Variants in C2 observed in about 807,000 individuals in gnomAD.
The protein encoded by C2 is C3/C5 convertase.
Under a neutral mutation model 85.2 loss-of-function variants are expected in C2, and 64 were observed. That is an observed-to-expected ratio of 0.75 (90% confidence interval 0.61 to 0.92). The LOEUF (loss-of-function observed/expected upper bound fraction) is 0.92. Ranked by LOEUF, C2 falls within the 40% of genes least tolerant of loss-of-function variation. C2 has a pLI of 0.00. For synonymous variants in C2, 311 were observed against 370.8 expected (o/e 0.84, Z 1.85); for missense variants, 820 against 971.6 (o/e 0.84, Z 2.07).
chr6:31,899,069 GA>G (rs750497811), upstream of C2, among the ~76,000 whole-genome samples: 15 of 146,140 alleles, frequency 1.0e-4, no homozygotes, highest in South Asian at 4.3e-4. Context: ...GAGTGTAAAG[GA>G]AAAAAAAAAG....
chr6:31,942,607 G>T (rs2151769231), intron 9 of C2, among the ~76,000 whole-genome samples: 1 of 152,162 alleles, frequency 6.6e-6, no homozygotes, highest in Non-Finnish European at 1.5e-5. Context: ...GAAGACCAGG[G>T]AAGGCCTCAC....
intron 1 of C2, chr6:31,901,801 C>G (rs1309790659): frequency 1.2e-5 from 2 of 161,758 alleles, no homozygotes; most frequent in African/African-American, 4.8e-5. Flanking sequence ...GGCACGCCCC[C>G]CCAGCCCCAC....
At chr6:31,912,460 C>T (rs1350534569) in intron 1 of C2, among the ~76,000 whole-genome samples, 1 of 152,194 alleles carries the variant, frequency 6.6e-6, no homozygotes, top group Non-Finnish European at 1.5e-5. Flanking sequence ...CACTCCTTTC[C>T]TGTCTTGACC....
chr6:31,903,393 G>A lies in C2; in HGVS notation c.73+2254G>A, dbSNP rs559876148. ...GCCTGTAATCCCAGCACTGTGGGAG[G>A]CCGAGGCAGGTGGATCACCTGAGGT... On this transcript the variant is annotated intron_variant, in intron 1 of 3. Coordinates refer to the C2 transcript ENST00000452202. Among the ~76,000 whole-genome samples, 699 of 151,806 alleles carry A rather than the reference G, an allele frequency of 4.6e-3. 2 individuals are homozygous for A. The highest frequency in any genetic ancestry group is 0.013 in the East Asian group (69 of 5,148).
At chr6:31,917,745 A>C (rs1768649657), upstream of C2, among the ~76,000 whole-genome samples, 1 of 152,052 alleles carries the variant, frequency 6.6e-6, no homozygotes, top group Admixed American at 6.6e-5. Context: ...GTCTCTACTA[A>C]AAATGCAAAA....
chr6:31,919,294 G>T (rs996165609), upstream of C2, among the ~76,000 whole-genome samples: 2 of 151,940 alleles, frequency 1.3e-5, no homozygotes, highest in African/African-American at 4.8e-5. Context: ...ACAAGTGCCT[G>T]CCAACACACC....
At chr6:31,897,803 G>A, upstream of C2, 1 of 992,242 alleles carries the variant, frequency 1.0e-6, no homozygotes, top group Non-Finnish European at 1.2e-6. Flanking sequence ...CCTGAGAGCG[G>A]CCTCGGAGAT....
chr6:31,917,172 G>GAA (rs1273347156), upstream of C2, among the ~76,000 whole-genome samples: 5 of 83,242 alleles, frequency 6.0e-5, no homozygotes, highest in Non-Finnish European at 9.9e-5. Context: ...CTCTGTCTCA[G>GAA]AAAAAAAAAA....
upstream of C2, among the ~76,000 whole-genome samples, chr6:31,915,254 C>T (rs967491350): frequency 1.4e-4 from 22 of 152,196 alleles, 1 homozygote. Flanking sequence ...GCATTCTCTC[C>T]TTCCTCCCTG....
Position 31,944,293 on chromosome 6 carries a change from C to A in C2, c.1902+67C>A. 1.7e-6 allele frequency: 2 copies of A among 1,146,792 alleles called. No homozygotes were observed. Among genetic ancestry groups the A allele is most frequent in the African/African-American group, 1.5e-5 (1 of 65,930 alleles). The allele number at this position is 1,146,792 out of a possible 1,614,324, so 71.0% of individuals were successfully genotyped here. Reference sequence around the variant, plus strand: ...AGCTCCCAGAATGTCTCTCTTCCTTCTCCAGGTCTGGCTGCTTTCTCTCTC... The same window carrying A: ...AGCTCCCAGAATGTCTCTCTTCCTTATCCAGGTCTGGCTGCTTTCTCTCTC... On this transcript the variant is annotated intron_variant, in intron 15 of 17. Transcript: ENST00000299367. The surrounding 1 kb of genome is among the most constrained non-coding windows in gnomAD (Gnocchi z 5.1).
chr6:31,921,147 A>G lies in C2; in HGVS notation c.-100+1121A>G, dbSNP rs1348349789. Among the ~76,000 whole-genome samples the G allele has an allele frequency of 6.6e-6, 1 of 152,124 alleles. No homozygotes were observed. The highest frequency in any genetic ancestry group is 1.5e-5 in the Non-Finnish European group (1 of 68,026). The stretch of plus-strand genomic sequence containing the variant: ...GTGGAAATGGGTGGGGTCTGACCCA[A>G]TGTAAATATTTTTATTAAAAAAGAA... On this transcript the variant is annotated intron_variant, in intron 1 of 3. Transcript: ENST00000413154. The surrounding 1 kb of genome is among the most constrained non-coding windows in gnomAD (Gnocchi z 4.6).
At chr6:31,917,741 A>G (rs1360031804), upstream of C2, among the ~76,000 whole-genome samples, 3 of 152,052 alleles carry the variant, frequency 2.0e-5, no homozygotes, top group African/African-American at 7.2e-5. Flanking sequence ...CCCCGTCTCT[A>G]CTAAAAATGC....
intron 1 of C2, among the ~76,000 whole-genome samples, chr6:31,902,387 G>T (rs1299156258): frequency 6.6e-6 from 1 of 151,808 alleles, no homozygotes; most frequent in South Asian, 2.1e-4. Context: ...CGCCCCGCCC[G>T]CGCCGCATCC....
chr6:31,912,423 A>G (rs542555368), intron 1 of C2, among the ~76,000 whole-genome samples: 2 of 152,094 alleles, frequency 1.3e-5, no homozygotes, highest in African/African-American at 4.8e-5. Context: ...CCTTCCTTCT[A>G]TAATTTCAGT....
Position 31,936,028 on chromosome 6 carries a change from G to T in C2, c.955G>T (p.Val319Leu). The T allele has an allele frequency of 6.2e-7, 1 of 1,613,042 alleles. No homozygotes were observed. Among genetic ancestry groups the T allele is most frequent in the Non-Finnish European group, 8.5e-7 (1 of 1,180,020 alleles). The change falls in exon 7 of 18, where the codon GTG becomes TTG. Residue 319 changes from valine (V) to leucine (L), a missense_variant. By Grantham distance (32) the Val-to-Leu change is conservative (BLOSUM62 1). Coordinates refer to ENST00000299367, the MANE Select transcript of C2 (RefSeq NM_000063.6). The stretch of plus-strand genomic sequence containing the variant: ...CGACAACTCCCGGGATATGACTGAG[G>T]TGATCAGCAGCCTGGAAAATGCCAA... ...LNDNSRDMTE[V>L]ISSLENANYK... is the part of the protein sequence containing the mutation.
chr6:31,937,916 A>G lies in C2; in HGVS notation c.1129+457A>G, dbSNP rs3763303. 7.0e-4 allele frequency among the ~76,000 whole-genome samples: 107 copies of G among 151,978 alleles called. 2 individuals are homozygous for G. In the East Asian group the frequency reaches 0.019, roughly 28 times the overall value. On this transcript the variant is annotated intron_variant, in intron 8 of 17. Coordinates refer to ENST00000299367, the MANE Select transcript of C2 (RefSeq NM_000063.6). ...GCTACTTGGGAGGCTGAGGCAGGAG[A>G]ATTGCTTGAACCTGGGAGGCAGAGG...
intron 1 of C2, among the ~76,000 whole-genome samples, chr6:31,911,800 T>C (rs998947453): frequency 1.3e-5 from 2 of 151,946 alleles, no homozygotes; most frequent in Non-Finnish European, 2.9e-5. Context: ...TGGCTAATTT[T>C]TGTATTTTTA....
At position 31,943,387 on chromosome 6, in the gene C2, A is replaced by ATG; in HGVS notation, c.1456-28_1456-27insGT. On this transcript the variant is annotated intron_variant, in intron 11 of 17. Coordinates refer to ENST00000299367, the MANE Select transcript of C2 (RefSeq NM_000063.6). This position sits in a 1 kb window ranked among gnomAD's most constrained non-coding sequence, Gnocchi z 6.4. ...GCGGCCATGGGCCAGACATACTGCA[A>ATG]TCTCTGAAAATCACCTGTTCCCCTG... The ATG allele has an allele frequency of 1.2e-6, 2 of 1,610,898 alleles. No homozygotes were observed. Among genetic ancestry groups the ATG allele is most frequent in the African/African-American group, 1.3e-5 (1 of 75,014 alleles).
At chr6:31,931,337 A>C (rs905951450) in intron 3 of C2, among the ~76,000 whole-genome samples, 17 of 150,324 alleles carry the variant, frequency 1.1e-4, no homozygotes, top group African/African-American at 4.2e-4. Flanking sequence ...GTCACAGGAC[A>C]ATAGTGGAGG....
Sources: gnomAD v4.1 joint callset for allele counts (sites outside exome capture counted in the v4.1 genomes callset) on GRCh38, gnomAD v4.1.1 for gene constraint, Gnocchi (gnomAD v3.1) non-coding constraint, MANE v1.5 for transcripts, NCBI Gene and HGNC (gene_info 2026-07-23, HGNC 2026-07-21) for gene names.